Variants in TP63 observed in about 807,000 individuals in gnomAD.
The protein encoded by TP63 is tumor protein p63.
A neutral mutation model predicts 82.8 loss-of-function variants in TP63; 17 were observed. The observed-to-expected ratio is 0.21, with a 90% CI of 0.14 to 0.31. The LOEUF (loss-of-function observed/expected upper bound fraction) is 0.31, where lower values mean the gene tolerates loss of function less well. Among genes scored for constraint, TP63 ranks in the 10% least tolerant of loss-of-function variants. The pLI is 1.00. For synonymous variants in TP63, 330 were observed against 321.7 expected (o/e 1.03, Z -0.28); for missense variants, 648 against 895.3 (o/e 0.72, Z 3.52).
chr3:189,873,951 A>G (rs916814885), intron 10 of TP63, among the ~76,000 whole-genome samples: 2 of 152,204 alleles, frequency 1.3e-5, no homozygotes, highest in Admixed American at 6.5e-5. Context: ...GTCAAAAACT[A>G]TCTTCCAGAG....
intron 10 of TP63, chr3:189,880,011 A>G: frequency 1.3e-6 from 2 of 1,598,310 alleles, no homozygotes; most frequent in Non-Finnish European, 1.7e-6. Context: ...ATTGATTTGA[A>G]TAGATGAAGT....
At position 189,875,605 on chromosome 3, in the gene TP63, T is replaced by C. The variant is rs1158217544; in HGVS notation, c.1349+2610T>C. On this transcript the variant is annotated intron_variant, in intron 10 of 13. Coordinates refer to ENST00000264731, the MANE Select transcript of TP63 (RefSeq NM_003722.5). ...AAAAAAATACATACATATATATATA[T>C]ATATATATATATATATATATATATA... 5.1e-4 allele frequency among the ~76,000 whole-genome samples: 30 copies of C among 58,688 alleles called. 1 individual carries two copies. The South Asian group carries it at 5.7e-3, about 11-fold the overall frequency. The allele number at this position is 58,688 out of a possible 152,430, so 38.5% of individuals were successfully genotyped here. A position where few individuals can be genotyped will look rare whatever the true frequency, so the allele number is the denominator to read the frequency against.
intron 3 of TP63, among the ~76,000 whole-genome samples, chr3:189,759,218 G>T (rs1333032464): frequency 6.6e-6 from 1 of 152,158 alleles, no homozygotes; most frequent in African/African-American, 2.4e-5. Flanking sequence ...GCAAATTATT[G>T]GATATCACTC....
At chr3:189,637,024 C>T (rs1729827363) in intron 1 of TP63, among the ~76,000 whole-genome samples, 1 of 152,106 alleles carries the variant, frequency 6.6e-6, no homozygotes, top group South Asian at 2.1e-4. Flanking sequence ...GGGCCAGAGC[C>T]TATCTCAGCA....
intron 4 of TP63, among the ~76,000 whole-genome samples, chr3:189,839,204 A>G (rs1229452961): frequency 6.6e-6 from 1 of 152,176 alleles, no homozygotes; most frequent in African/African-American, 2.4e-5. Flanking sequence ...AGAGAGAAGA[A>G]TGAAGGATCT....
intron 3 of TP63, among the ~76,000 whole-genome samples, chr3:189,742,731 A>G (rs1473325081): frequency 1.3e-5 from 2 of 152,250 alleles, no homozygotes; most frequent in African/African-American, 4.8e-5. Context: ...TGTGACACAG[A>G]CCATGATATC....
At position 189,734,071 on chromosome 3, in the gene TP63, T is replaced by C. The variant is rs572611559; in HGVS notation, c.63-3669T>C. On this transcript the variant is annotated intron_variant, in intron 1 of 13. Transcript: ENST00000264731. ...CTTTCTCTCTTTCTTTTTCTTTCTTTTCTTTCTTTCTCTCTTTCTTTACTT... is the reference window on the plus strand; with the variant it reads ...CTTTCTCTCTTTCTTTTTCTTTCTTCTCTTTCTTTCTCTCTTTCTTTACTT... Among the ~76,000 whole-genome samples the C allele has an allele frequency of 2.6e-5, 4 of 151,918 alleles. No homozygotes were observed. The East Asian group carries it at 7.7e-4, about 29-fold the overall frequency.
intron 10 of TP63, chr3:189,873,430 T>C: frequency 4.1e-6 from 1 of 246,544 alleles, no homozygotes; most frequent in East Asian, 9.7e-5. Flanking sequence ...AGACCAGGGA[T>C]AGCAAATAGG....
the TP63 span, among the ~76,000 whole-genome samples, chr3:189,616,328 C>A: frequency 6.6e-6 from 1 of 152,138 alleles, no homozygotes; most frequent in Non-Finnish European, 1.5e-5. Context: ...ACAGCAAAGC[C>A]CTAATTCCTT....
At chr3:189,663,521 CTTTTTTTTTTTTTTT>C (rs397991949) in intron 1 of TP63, among the ~76,000 whole-genome samples, 3 of 84,530 alleles carry the variant, frequency 3.5e-5, no homozygotes, top group Non-Finnish European at 6.2e-5. Context: ...TTCATTCATT[CTTTTTTTTTTTTTTT>C]TTTTTTTTTG....
At chr3:189,771,286 A>AATATATATTATATTT (rs1217606649) in intron 3 of TP63, among the ~76,000 whole-genome samples, 2 of 108,436 alleles carry the variant, frequency 1.8e-5, no homozygotes, top group South Asian at 2.5e-4. Context: ...TATATATATA[A>AATATATATTATATTT]ATATATATTA....
intron 10 of TP63, among the ~76,000 whole-genome samples, chr3:189,876,997 A>G (rs1052741810): frequency 2.6e-5 from 4 of 152,144 alleles, no homozygotes; most frequent in East Asian, 1.9e-4. Context: ...TGGCACTACA[A>G]TATTTTTACT....
chr3:189,638,307 G>T (rs1711523333), intron 1 of TP63, among the ~76,000 whole-genome samples: 1 of 152,098 alleles, frequency 6.6e-6, no homozygotes, highest in South Asian at 2.1e-4. Flanking sequence ...ATGGTGCCAA[G>T]TGGGGAAGGT....
At chr3:189,849,164 C>G (rs926199997) in intron 4 of TP63, among the ~76,000 whole-genome samples, 2 of 152,200 alleles carry the variant, frequency 1.3e-5, no homozygotes, top group African/African-American at 4.8e-5. Context: ...CTGCACCTCT[C>G]CCCCCATACC....
chr3:189,604,077 A>G, the TP63 span, among the ~76,000 whole-genome samples: 1 of 152,182 alleles, frequency 6.6e-6, no homozygotes, highest in East Asian at 1.9e-4. Context: ...AAATTATTTT[A>G]CCATCAGGGA....
chr3:189,856,784 TTAAAA>T (rs1408052843), intron 4 of TP63, among the ~76,000 whole-genome samples: 1 of 151,998 alleles, frequency 6.6e-6, no homozygotes, highest in African/African-American at 2.4e-5. Context: ...AACAATTATT[TTAAAA>T]TAAAATACTG....
intron 1 of TP63, among the ~76,000 whole-genome samples, chr3:189,654,114 T>C (rs553003959): frequency 7.2e-5 from 11 of 152,282 alleles, no homozygotes; most frequent in Non-Finnish European, 1.5e-4. Context: ...TTTGTACTTA[T>C]TAGCCTAAGC....
chr3:189,617,332 C>A, the TP63 span, among the ~76,000 whole-genome samples: 1 of 152,176 alleles, frequency 6.6e-6, no homozygotes, highest in Non-Finnish European at 1.5e-5. Context: ...TGAGGAAAAA[C>A]TATAAATGGG....
At chr3:189,693,903 A>T (rs1717141428) in intron 1 of TP63, among the ~76,000 whole-genome samples, 1 of 152,156 alleles carries the variant, frequency 6.6e-6, no homozygotes, top group South Asian at 2.1e-4. Context: ...GATGAAGATG[A>T]TTTTAAAAAG....
Sources: gnomAD v4.1 joint callset for allele counts (sites outside exome capture counted in the v4.1 genomes callset) on GRCh38, gnomAD v4.1.1 for gene constraint, MANE v1.5 for transcripts, NCBI Gene and HGNC (gene_info 2026-07-23, HGNC 2026-07-21) for gene names.